CNTLN: variants seen among roughly 807,000 people sequenced by gnomAD.
The protein encoded by CNTLN is centlein.
In CNTLN, 212 loss-of-function variants were observed where a neutral mutation model predicts 180.0. The observed-to-expected ratio is 1.18, with a 90% CI of 1.05 to 1.32. CNTLN has a LOEUF of 1.32. CNTLN is among the 40% of genes most tolerant of loss of function. The pLI is 0.00. For synonymous variants in CNTLN, 722 were observed against 563.1 expected, an observed-to-expected ratio of 1.28 and a Z score of -3.99; for missense variants, 2,095 against 1,610.9, an observed-to-expected ratio of 1.30 and a Z score of -5.14.
chr9:17,173,060 A>G (rs182123194), intron 2 of CNTLN, among the ~76,000 whole-genome samples: 83 of 152,352 alleles, frequency 5.4e-4, no homozygotes, highest in African/African-American at 1.9e-3. Context: ...GAAGACCAGC[A>G]TATTAATTTC....
chr9:17,471,304 A>G (rs1320757546), intron 23 of CNTLN, among the ~76,000 whole-genome samples: 1 of 152,052 alleles, frequency 6.6e-6, no homozygotes, highest in Non-Finnish European at 1.5e-5. Flanking sequence ...TAAAAATGAC[A>G]TGTATCGCAG....
rs147163294 is a variant in CNTLN at position 17,177,882 on chromosome 9, C to T, written c.449+34506C>T. Among the ~76,000 whole-genome samples, 170 of 152,218 alleles carry T rather than the reference C, an allele frequency of 1.1e-3. 2 individuals are homozygous for T. Among genetic ancestry groups the T allele is most frequent in the African/African-American group, 3.9e-3 (160 of 41,544 alleles). ...GGGTTGCCACTGCTGGCTCAGGCAG[C>T]GGTGCTTTTATTCTCTTATCTGGCC... On this transcript the variant is annotated intron_variant, in intron 2 of 25. Transcript: ENST00000380647.
At chr9:17,448,776 C>A (rs1175046200) in intron 18 of CNTLN, among the ~76,000 whole-genome samples, 1 of 151,946 alleles carries the variant, frequency 6.6e-6, no homozygotes, top group Non-Finnish European at 1.5e-5. Context: ...CTTCTTACTG[C>A]CACTCAACTC....
At chr9:17,291,160 C>G (rs904300316) in intron 6 of CNTLN, among the ~76,000 whole-genome samples, 1 of 152,150 alleles carries the variant, frequency 6.6e-6, no homozygotes, top group African/African-American at 2.4e-5. Context: ...GCGCTGTTTT[C>G]TGAGAGACTG....
At chr9:17,185,684 G>A (rs896751858) in intron 2 of CNTLN, among the ~76,000 whole-genome samples, 1 of 151,834 alleles carries the variant, frequency 6.6e-6, no homozygotes, top group Non-Finnish European at 1.5e-5. Context: ...CAAAACACAT[G>A]GAAAGATCTT....
intron 7 of CNTLN, chr9:17,298,623 C>T: frequency 1.9e-6 from 2 of 1,064,832 alleles, no homozygotes; most frequent in Non-Finnish European, 2.3e-6. Flanking sequence ...CAGACAGCTT[C>T]TGTGAAACAT....
intron 8 of CNTLN, among the ~76,000 whole-genome samples, chr9:17,315,093 G>C (rs1424007244): frequency 6.6e-6 from 1 of 151,636 alleles, no homozygotes; most frequent in South Asian, 2.1e-4. Context: ...TTATTCTTTT[G>C]TGCAATTCTG....
At chr9:17,420,608 T>G (rs1363291984) in intron 18 of CNTLN, among the ~76,000 whole-genome samples, 1 of 151,782 alleles carries the variant, frequency 6.6e-6, no homozygotes, top group Non-Finnish European at 1.5e-5. Context: ...TGGGTTTGGT[T>G]TGCTCTAGTT....
rs1222901477 is a variant in CNTLN at position 17,395,063 on chromosome 9, A to T, written c.2609A>T (p.Glu870Val). ...LSKDGWEDVS[E>V]SSSDSEAQTS... ...AAGGACGGCTGGGAGGATGTGAGTG[A>T]AAGCAGGTAAGGCTCTCATTAACTT... Residue 870 changes from glutamate (E) to valine (V), a missense_variant, in exon 15 of 26, where the codon GAA (glutamate) becomes GTA (valine). By Grantham distance (121) the Glu-to-Val change is moderately radical. Transcript: ENST00000380647. 6.2e-7 allele frequency: 1 copy of T among 1,605,098 alleles called. No homozygotes were observed. The highest frequency in any genetic ancestry group is 8.5e-7 in the Non-Finnish European group (1 of 1,174,246).
intron 10 of CNTLN, among the ~76,000 whole-genome samples, chr9:17,334,871 T>G (rs1277563214): frequency 6.7e-6 from 1 of 150,000 alleles, no homozygotes; most frequent in Non-Finnish European, 1.5e-5. Context: ...CAATATACCC[T>G]TGTAACAAAC....
intron 2 of CNTLN, among the ~76,000 whole-genome samples, chr9:17,223,994 G>A (rs538135635): frequency 1.3e-5 from 2 of 151,800 alleles, no homozygotes; most frequent in East Asian, 3.9e-4. Context: ...TCTTCCCTAG[G>A]GTCTTCATGA....
intron 2 of CNTLN, among the ~76,000 whole-genome samples, chr9:17,144,870 T>A (rs1025624732): frequency 1.3e-5 from 2 of 149,150 alleles, no homozygotes; most frequent in African/African-American, 4.9e-5. Flanking sequence ...AGTCTCGCTC[T>A]GTCGCCCAGG....
At chr9:17,324,627 A>G (rs1264269712) in intron 8 of CNTLN, among the ~76,000 whole-genome samples, 1 of 152,154 alleles carries the variant, frequency 6.6e-6, no homozygotes, top group Non-Finnish European at 1.5e-5. Flanking sequence ...TGCTACTGTC[A>G]TTTACTGGAT....
chr9:17,379,205 C>G (rs528586686), intron 13 of CNTLN, among the ~76,000 whole-genome samples: 4 of 152,052 alleles, frequency 2.6e-5, no homozygotes, highest in African/African-American at 7.2e-5. Flanking sequence ...TACTACTGCA[C>G]CTGTATGAGC....
At chr9:17,191,082 C>T (rs1194911483) in intron 2 of CNTLN, among the ~76,000 whole-genome samples, 1 of 152,146 alleles carries the variant, frequency 6.6e-6, no homozygotes, top group Non-Finnish European at 1.5e-5. Context: ...AACTTAGTAG[C>T]CATTAGAAGT....
chr9:17,406,670 T>G (rs138571446), intron 15 of CNTLN, among the ~76,000 whole-genome samples: 3 of 151,980 alleles, frequency 2.0e-5, no homozygotes, highest in African/African-American at 7.3e-5. Flanking sequence ...ATTGTGCTTA[T>G]TGTTTTCTTC....
At chr9:17,471,021 C>G in intron 23 of CNTLN, among the ~76,000 whole-genome samples, 1 of 151,956 alleles carries the variant, frequency 6.6e-6, no homozygotes, top group Non-Finnish European at 1.5e-5. Context: ...TGAATTAACT[C>G]TTTTCACCCT....
At chr9:17,378,202 A>T (rs1387738148) in intron 13 of CNTLN, among the ~76,000 whole-genome samples, 2 of 152,022 alleles carry the variant, frequency 1.3e-5, no homozygotes, top group Non-Finnish European at 2.9e-5. Flanking sequence ...TTTTTTTGAG[A>T]CGGAGTCTTC....
At chr9:17,308,235 T>C (rs1818869678) in intron 7 of CNTLN, among the ~76,000 whole-genome samples, 1 of 142,942 alleles carries the variant, frequency 7.0e-6, no homozygotes, top group East Asian at 2.0e-4. Flanking sequence ...TTAATAAACT[T>C]AAATTTATTT....
Sources: gnomAD v4.1 joint callset for allele counts (sites outside exome capture counted in the v4.1 genomes callset) on GRCh38, gnomAD v4.1.1 for gene constraint, MANE v1.5 for transcripts, NCBI Gene and HGNC (gene_info 2026-07-23, HGNC 2026-07-21) for gene names.